Variants in CAST observed in about 807,000 individuals in gnomAD.
CAST encodes the protein calpastatin.
Under a neutral mutation model 119.6 loss-of-function variants are expected in CAST, and 76 were observed. The observed-to-expected ratio is 0.64, with a 90% CI of 0.53 to 0.77. The LOEUF (loss-of-function observed/expected upper bound fraction) is 0.77, where lower values mean the gene tolerates loss of function less well. CAST is among the 30% of genes least tolerant of loss of function. The pLI, the probability that CAST is intolerant of heterozygous loss-of-function variation, is 0.00. For missense variants in CAST, 953 were observed against 946.5 expected, an observed-to-expected ratio of 1.01 and a Z score of -0.09; for synonymous variants, 319 against 331.6, an observed-to-expected ratio of 0.96 and a Z score of 0.41.
the CAST span, among the ~76,000 whole-genome samples, chr5:96,406,827 C>T: frequency 6.6e-6 from 1 of 152,220 alleles, no homozygotes; most frequent in East Asian, 1.9e-4. Context: ...AGTTTAATCA[C>T]TTCTTCTAAT....
chr5:96,549,593 C>T (rs1418007066), intron 1 of CAST, among the ~76,000 whole-genome samples: 3 of 152,160 alleles, frequency 2.0e-5, no homozygotes, highest in Non-Finnish European at 4.4e-5. Context: ...CGGGGCATCA[C>T]CTTACCCGGG....
At chr5:96,616,797 T>C (rs1051741329) in intron 1 of CAST, among the ~76,000 whole-genome samples, 41 of 134,260 alleles carry the variant, frequency 3.1e-4, no homozygotes, top group East Asian at 6.7e-4. Flanking sequence ...CACACACACA[T>C]ATACATATAC....
At chr5:96,366,883 C>T in the CAST span, among the ~76,000 whole-genome samples, 1 of 152,170 alleles carries the variant, frequency 6.6e-6, no homozygotes, top group Admixed American at 6.5e-5. Context: ...AGCTGCATTC[C>T]TTTGGAGGGG....
At chr5:96,385,226 C>T in the CAST span, among the ~76,000 whole-genome samples, 1 of 152,164 alleles carries the variant, frequency 6.6e-6, no homozygotes, top group Non-Finnish European at 1.5e-5. Context: ...ACGTTGGTTC[C>T]TTTCAAAATA....
chr5:96,685,335 T>C (rs1371480572), intron 2 of CAST, among the ~76,000 whole-genome samples: 1 of 152,174 alleles, frequency 6.6e-6, no homozygotes, highest in Non-Finnish European at 1.5e-5. Context: ...AAGTTAACTT[T>C]TTTTATTCTT....
At chr5:96,078,381 A>G in the CAST span, among the ~76,000 whole-genome samples, 4 of 151,010 alleles carry the variant, frequency 2.6e-5, no homozygotes, top group Non-Finnish European at 5.9e-5. Flanking sequence ...GTAAATTTTC[A>G]TGAACATCTG....
At chr5:96,444,026 T>C in the CAST span, among the ~76,000 whole-genome samples, 1 of 152,108 alleles carries the variant, frequency 6.6e-6, no homozygotes, top group African/African-American at 2.4e-5. Flanking sequence ...CACAGCAATA[T>C]AAGAAATGAA....
chr5:95,991,653 GTGCCAC>G, the CAST span, among the ~76,000 whole-genome samples: 1 of 151,668 alleles, frequency 6.6e-6, no homozygotes, highest in African/African-American at 2.4e-5. Flanking sequence ...TTATAGGCAC[GTGCCAC>G]TGCTCCCGGT....
At chr5:96,736,049 G>A in intron 9 of CAST, 123 bp from the exon 10 acceptor site, 1 of 621,294 alleles carries the variant, frequency 1.6e-6, no homozygotes, top group East Asian at 2.8e-5. Context: ...AGTTTCTGCT[G>A]TAGAGCGGAT....
At chr5:96,270,032 A>T in the CAST span, among the ~76,000 whole-genome samples, 1 of 152,206 alleles carries the variant, frequency 6.6e-6, no homozygotes, top group Non-Finnish European at 1.5e-5. Context: ...CATTAAAAAG[A>T]TCATTTATCG....
chr5:96,735,732 A>G (rs776710200), intron 9 of CAST, among the ~76,000 whole-genome samples: 9 of 152,206 alleles, frequency 5.9e-5, no homozygotes, highest in African/African-American at 1.2e-4. Flanking sequence ...AACTCATTTT[A>G]AGGAAAGAGG....
chr5:96,535,714 C>T (rs1013539023), intron 1 of CAST, among the ~76,000 whole-genome samples: 5 of 151,836 alleles, frequency 3.3e-5, no homozygotes, highest in Non-Finnish European at 4.4e-5. Flanking sequence ...GCTGGGACTA[C>T]AGGCGCCCGC....
intron 1 of CAST, among the ~76,000 whole-genome samples, chr5:96,538,920 G>T (rs186464901): frequency 6.6e-6 from 1 of 152,170 alleles, no homozygotes; most frequent in East Asian, 1.9e-4. Context: ...CTGCTATCAG[G>T]TCACCCAAAG....
At chr5:96,666,188 A>C (rs1462492748) in intron 1 of CAST, among the ~76,000 whole-genome samples, 1 of 151,974 alleles carries the variant, frequency 6.6e-6, no homozygotes, top group Non-Finnish European at 1.5e-5. Flanking sequence ...GAAACGTTGC[A>C]ATGTATATTT....
chr5:96,223,774 GA>G, the CAST span, among the ~76,000 whole-genome samples: 1 of 152,184 alleles, frequency 6.6e-6, no homozygotes, highest in African/African-American at 2.4e-5. Flanking sequence ...TATCTCTTGA[GA>G]GATCGTCAAT....
At chr5:96,218,702 C>T in the CAST span, among the ~76,000 whole-genome samples, 2 of 152,152 alleles carry the variant, frequency 1.3e-5, no homozygotes, top group African/African-American at 4.8e-5. Context: ...TATCTAACTC[C>T]TACATGTGCT....
chr5:96,185,545 C>A, the CAST span, among the ~76,000 whole-genome samples: 1 of 152,166 alleles, frequency 6.6e-6, no homozygotes, highest in Non-Finnish European at 1.5e-5. Context: ...AGGAAGGGGT[C>A]CAGTTTCAAT....
intron 1 of CAST, among the ~76,000 whole-genome samples, chr5:96,590,069 C>T (rs1746935640): frequency 1.3e-5 from 2 of 152,182 alleles, no homozygotes; most frequent in South Asian, 4.1e-4. Flanking sequence ...TGATGCTCTG[C>T]TAACTAATTT....
the CAST span, among the ~76,000 whole-genome samples, chr5:96,241,634 G>C: frequency 7.0e-6 from 1 of 142,074 alleles, no homozygotes; most frequent in African/African-American, 2.5e-5. Context: ...CTGAGGAATC[G>C]CCACACTGAC....
Sources: gnomAD v4.1 joint callset for allele counts (sites outside exome capture counted in the v4.1 genomes callset) on GRCh38, gnomAD v4.1.1 for gene constraint, MANE v1.5 for transcripts, NCBI Gene and HGNC (gene_info 2026-07-23, HGNC 2026-07-21) for gene names.